Variants in STK32B observed in about 807,000 individuals in gnomAD.
STK32B encodes the protein serine/threonine kinase 32B.
Under a neutral mutation model 52.6 loss-of-function variants are expected in STK32B, and 43 were observed. That is an observed-to-expected ratio of 0.82 (90% CI 0.64 to 1.05). The LOEUF (loss-of-function observed/expected upper bound fraction) is 1.05. STK32B is among the 50% of genes least tolerant of loss of function. The probability of loss-of-function intolerance (pLI) is 0.00; values close to 1 mark genes in which losing one functional copy is unlikely to be tolerated. For missense variants in STK32B, 621 were observed against 534.6 expected (o/e 1.16, Z -1.59); for synonymous variants, 238 against 204.3 (o/e 1.17, Z -1.41).
intron 2 of STK32B, among the ~76,000 whole-genome samples, chr4:5,157,299 T>TA (rs59362249): frequency 0.032 from 3,263 of 101,396 alleles, 55 homozygotes; most frequent in East Asian, 0.092. Context: ...TGTGAGGATG[T>TA]AAAAAAAAAA....
intron 3 of STK32B, among the ~76,000 whole-genome samples, chr4:5,197,551 C>G (rs934923513): frequency 2.6e-5 from 4 of 152,174 alleles, no homozygotes; most frequent in African/African-American, 9.7e-5. Flanking sequence ...CCTTATTTAT[C>G]TCCACTAAAA....
chr4:5,434,259 CATTTTT>C (rs1215909291), intron 6 of STK32B, among the ~76,000 whole-genome samples: 6 of 152,270 alleles, frequency 3.9e-5, no homozygotes, highest in African/African-American at 1.4e-4. Context: ...GATTTTATAT[CATTTTT>C]ATTAATAGCA....
upstream of STK32B, among the ~76,000 whole-genome samples, chr4:5,047,390 A>G (rs922911165): frequency 2.0e-5 from 3 of 152,162 alleles, no homozygotes; most frequent in Non-Finnish European, 4.4e-5. Flanking sequence ...TAGGTGCAGC[A>G]AACCACCACG....
intron 3 of STK32B, among the ~76,000 whole-genome samples, chr4:5,280,176 T>C (rs946190956): frequency 1.3e-5 from 2 of 152,216 alleles, no homozygotes; most frequent in African/African-American, 4.8e-5. Context: ...CTTTTAAATA[T>C]AAGTTCTAGT....
At chr4:5,345,710 T>C (rs947740056) in intron 4 of STK32B, among the ~76,000 whole-genome samples, 3 of 152,228 alleles carry the variant, frequency 2.0e-5, no homozygotes, top group African/African-American at 7.2e-5. Flanking sequence ...CTTGAGGGCC[T>C]AAGCTCATAC....
intron 1 of STK32B, among the ~76,000 whole-genome samples, chr4:5,070,338 T>G (rs780258888): frequency 5.3e-5 from 8 of 152,132 alleles, no homozygotes; most frequent in Non-Finnish European, 1.2e-4. Context: ...TTTCGTGTCC[T>G]GGAGTGTTGT....
intron 6 of STK32B, among the ~76,000 whole-genome samples, chr4:5,436,907 A>T (rs926910537): frequency 3.9e-5 from 6 of 152,182 alleles, no homozygotes; most frequent in African/African-American, 1.2e-4. Context: ...ACATCTCGAG[A>T]TGCTGTGAGC....
intron 3 of STK32B, among the ~76,000 whole-genome samples, chr4:5,276,513 C>G (rs1307394776): frequency 6.6e-6 from 1 of 152,034 alleles, no homozygotes; most frequent in Admixed American, 6.6e-5. Flanking sequence ...ATGTCAAATC[C>G]TGAAGGAACT....
At chr4:5,066,398 C>T (rs184117688) in intron 1 of STK32B, among the ~76,000 whole-genome samples, 27 of 152,188 alleles carry the variant, frequency 1.8e-4, no homozygotes, top group Non-Finnish European at 3.7e-4. Context: ...TCTTCTCTTG[C>T]ACTTTCAGAA....
chr4:5,235,441 CT>C (rs1159981317), intron 3 of STK32B, among the ~76,000 whole-genome samples: 1 of 152,140 alleles, frequency 6.6e-6, no homozygotes, highest in African/African-American at 2.4e-5. Context: ...ACTCCTACTG[CT>C]TTGGTGAAGA....
intron 1 of STK32B, among the ~76,000 whole-genome samples, chr4:5,067,676 T>G (rs1742476018): frequency 6.6e-6 from 1 of 152,136 alleles, no homozygotes; most frequent in African/African-American, 2.4e-5. Context: ...CAAGTGTGTA[T>G]TAGTCCATTC....
intron 11 of STK32B, among the ~76,000 whole-genome samples, chr4:5,497,135 A>C (rs982873542): frequency 2.6e-5 from 4 of 152,178 alleles, no homozygotes; most frequent in African/African-American, 9.7e-5. Context: ...ATTTTAATGC[A>C]GTTTTAAGAA....
intron 6 of STK32B, among the ~76,000 whole-genome samples, chr4:5,440,527 A>G (rs1445890075): frequency 2.0e-5 from 3 of 152,288 alleles, no homozygotes; most frequent in South Asian, 2.1e-4. Flanking sequence ...GGTTTTCTAG[A>G]TATACAATCA....
chr4:5,331,407 T>A lies in STK32B; in HGVS notation c.434+14T>A. The A allele has an allele frequency of 6.2e-7, 1 of 1,600,364 alleles. No individual in the cohort carries two copies. The highest frequency in any genetic ancestry group is 2.3e-5 in the East Asian group (1 of 44,356). On this transcript the variant is annotated intron_variant, in intron 4 of 11. Coordinates refer to ENST00000282908, the MANE Select transcript of STK32B (RefSeq NM_018401.3). Reference sequence around the variant, plus strand: ...CATCATCCACAGGTAACTGGGCTGCTGGCGGGATGCCTGGGACAGAGGGAC... The same window carrying A: ...CATCATCCACAGGTAACTGGGCTGCAGGCGGGATGCCTGGGACAGAGGGAC...
intron 6 of STK32B, among the ~76,000 whole-genome samples, chr4:5,445,240 A>G (rs1487561692): frequency 6.6e-6 from 1 of 152,160 alleles, no homozygotes; most frequent in East Asian, 1.9e-4. Context: ...TGCTGGTCAG[A>G]TTCAAGTGTG....
chr4:5,243,946 A>G (rs1725240679), intron 3 of STK32B, among the ~76,000 whole-genome samples: 2 of 152,082 alleles, frequency 1.3e-5, no homozygotes, highest in South Asian at 4.1e-4. Context: ...ATCATGGTGG[A>G]TAAGCTTTTT....
chr4:5,429,065 G>A (rs760390572), intron 6 of STK32B, among the ~76,000 whole-genome samples: 54 of 152,184 alleles, frequency 3.5e-4, no homozygotes, highest in Non-Finnish European at 6.9e-4. Context: ...AGTTAGCAAT[G>A]AGACATCATC....
chr4:5,064,437 T>A, intron 1 of STK32B, among the ~76,000 whole-genome samples: 1 of 110,832 alleles, frequency 9.0e-6, no homozygotes, highest in African/African-American at 3.2e-5. Flanking sequence ...TATATACATA[T>A]AATATATAAA....
At chr4:5,240,460 T>G (rs147994896) in intron 3 of STK32B, among the ~76,000 whole-genome samples, 316 of 152,146 alleles carry the variant, frequency 2.1e-3, no homozygotes, top group African/African-American at 7.2e-3. Context: ...TTCTTTTTTG[T>G]TTTGTTTTGT....
Sources: allele counts gnomAD v4.1 joint callset (sites outside exome capture counted in the v4.1 genomes callset), GRCh38; gene constraint gnomAD v4.1.1; transcripts MANE v1.5; gene names NCBI Gene and HGNC (gene_info 2026-07-23, HGNC 2026-07-21).